DIAPH1: variants seen among roughly 807,000 people sequenced by gnomAD.
DIAPH1 encodes the protein diaphanous related formin 1, also known as protein diaphanous homolog 1.
DIAPH1 carries 46 observed loss-of-function variants against 140.7 expected under a neutral mutation model. The observed-to-expected ratio is 0.33, with a 90% confidence interval of 0.26 to 0.42. DIAPH1 has a LOEUF of 0.42. DIAPH1 is among the 10% of genes least tolerant of loss of function. The pLI is 1.00. For missense variants in DIAPH1, 1,310 were observed against 1,558.7 expected (o/e 0.84, Z 2.69); for synonymous variants, 565 against 551.6 (o/e 1.02, Z -0.34).
At chr5:141,577,357 C>G in intron 12 of DIAPH1, 118 bp downstream of exon 12, 1 of 810,292 alleles carries the variant, frequency 1.2e-6, no homozygotes, top group Non-Finnish European at 2.2e-6. Flanking sequence ...ACTAATGAAC[C>G]CTAATCTTGG....
chr5:141,526,357 G>A lies in DIAPH1; in HGVS notation c.3378C>T (p.Pro1126=), dbSNP rs977061013. The A allele has an allele frequency of 1.9e-6, 3 of 1,614,044 alleles. No homozygotes were observed. Among genetic ancestry groups the A allele is most frequent in the African/African-American group, 2.7e-5 (2 of 74,910 alleles). Residue 1126 remains proline (P), a synonymous_variant, in exon 25 of 28, where the codon CCC becomes CCT. Coordinates refer to ENST00000389054, the MANE Select transcript of DIAPH1 (RefSeq NM_005219.5). The stretch of plus-strand genomic sequence containing the variant: ...AAAATTCTTCAACAGACAACTTCTT[G>A]GGGTCAAAGAGGAAGTACTCGCCCA... The part of the protein sequence containing the change: ...KELGEYFLFD[P]KKLSVEEFFM...
chr5:141,551,396 C>T (rs1290855246), intron 18 of DIAPH1, among the ~76,000 whole-genome samples: 1 of 152,096 alleles, frequency 6.6e-6, no homozygotes, highest in Non-Finnish European at 1.5e-5. Context: ...TTCAAGGTTA[C>T]AGTGTCACCA....
At chr5:141,592,626 C>T (rs1340282212) in intron 1 of DIAPH1, among the ~76,000 whole-genome samples, 1 of 152,178 alleles carries the variant, frequency 6.6e-6, no homozygotes, top group Non-Finnish European at 1.5e-5. Flanking sequence ...ATCCTACCTA[C>T]ATCTAAATGC....
intron 18 of DIAPH1, among the ~76,000 whole-genome samples, chr5:141,541,504 A>G (rs973358250): frequency 2.6e-5 from 4 of 152,074 alleles, no homozygotes; most frequent in Non-Finnish European, 4.4e-5. Flanking sequence ...CCTGGCCAAC[A>G]TGGTGAAAGC....
chr5:141,560,360 C>G lies in DIAPH1; in HGVS notation c.2482+11068G>C, dbSNP rs541513479. Among the ~76,000 whole-genome samples, 177 of 152,280 alleles carry G rather than the reference C, an allele frequency of 1.2e-3. 2 individuals carry two copies. The highest frequency in any genetic ancestry group is 3.4e-3 in the Middle Eastern group (1 of 294). On this transcript the variant is annotated intron_variant, in intron 18 of 27. Coordinates refer to ENST00000389054, the MANE Select transcript of DIAPH1 (RefSeq NM_005219.5). ...TCTCTCAACATGCCTGCATTCTTGCCACTCCCTTTCACTAAGTGCTGGATT... is the reference window on the plus strand; with the variant it reads ...TCTCTCAACATGCCTGCATTCTTGCGACTCCCTTTCACTAAGTGCTGGATT...
chr5:141,592,261 A>C (rs145770285), intron 1 of DIAPH1, among the ~76,000 whole-genome samples: 2 of 152,178 alleles, frequency 1.3e-5, no homozygotes, highest in Non-Finnish European at 2.9e-5. Flanking sequence ...GTACAAGCAA[A>C]ACGGTTTTAG....
intron 18 of DIAPH1, among the ~76,000 whole-genome samples, chr5:141,567,801 T>A (rs972812025): frequency 5.9e-5 from 9 of 152,188 alleles, no homozygotes; most frequent in Non-Finnish European, 1.3e-4. Flanking sequence ...GAAAATTATG[T>A]CAGGGCAGCA....
chr5:141,539,001 G>A (rs1213116524), intron 18 of DIAPH1, among the ~76,000 whole-genome samples: 1 of 151,506 alleles, frequency 6.6e-6, no homozygotes, highest in Non-Finnish European at 1.5e-5. Flanking sequence ...TGAGCCAGGC[G>A]TGGTGGCTCA....
At chr5:141,564,286 G>A (rs1269693100) in intron 18 of DIAPH1, 1 of 152,204 alleles carries the variant, frequency 6.6e-6, no homozygotes, top group Non-Finnish European at 1.5e-5. Context: ...GTAGAGGGCA[G>A]TATACTAATC....
At chr5:141,529,025 G>A in intron 21 of DIAPH1, 84 bp from the exon 22 acceptor site, 1 of 1,600,810 alleles carries the variant, frequency 6.2e-7, no homozygotes, top group Non-Finnish European at 8.6e-7. Flanking sequence ...CCTATGGGAG[G>A]ATCACAGCTC....
chr5:141,517,088 G>C, intron 27 of DIAPH1, 80 bp from the exon 28 acceptor site: 2 of 1,551,568 alleles, frequency 1.3e-6, no homozygotes, highest in Admixed American at 3.6e-5. Flanking sequence ...GATAATCAGC[G>C]TAAGCCATGC....
At chr5:141,586,492 C>T (rs2099897572) in intron 3 of DIAPH1, among the ~76,000 whole-genome samples, 1 of 152,202 alleles carries the variant, frequency 6.6e-6, no homozygotes, top group Non-Finnish European at 1.5e-5. Flanking sequence ...TGAATATCCT[C>T]CTTATTCGGT....
chr5:141,562,260 G>A (rs1161871151), intron 18 of DIAPH1, among the ~76,000 whole-genome samples: 2 of 150,262 alleles, frequency 1.3e-5, no homozygotes, highest in Non-Finnish European at 3.0e-5. Flanking sequence ...CTCTACTTTT[G>A]TTTTATCCTT....
intron 18 of DIAPH1, among the ~76,000 whole-genome samples, chr5:141,568,023 CTTACT>C (rs2099894638): frequency 6.6e-6 from 1 of 152,328 alleles, no homozygotes; most frequent in Middle Eastern, 3.4e-3. Flanking sequence ...TAACACACCT[CTTACT>C]TTAACAAGTC....
At chr5:141,603,275 C>T (rs1044915040) in intron 1 of DIAPH1, among the ~76,000 whole-genome samples, 4 of 152,180 alleles carry the variant, frequency 2.6e-5, no homozygotes, top group South Asian at 2.1e-4. Flanking sequence ...GAGAGTTAAA[C>T]TCATTAGTTC....
At chr5:141,535,268 C>G (rs2099888838) in intron 18 of DIAPH1, among the ~76,000 whole-genome samples, 1 of 152,058 alleles carries the variant, frequency 6.6e-6, no homozygotes, top group African/African-American at 2.4e-5. Context: ...CCATCTTGAA[C>G]ATGACTTTCT....
chr5:141,523,952 G>C (rs961394167), intron 27 of DIAPH1, among the ~76,000 whole-genome samples, 191 bp downstream of exon 27: 5 of 151,912 alleles, frequency 3.3e-5, no homozygotes, highest in Non-Finnish European at 7.4e-5. Context: ...TTTATTGCCA[G>C]TCCCTTAAAC....
intron 12 of DIAPH1, 37 bp from the exon 13 acceptor site, chr5:141,576,908 T>C: frequency 7.9e-7 from 1 of 1,267,350 alleles, no homozygotes; most frequent in Non-Finnish European, 1.2e-6. Context: ...CAAAGGAAAA[T>C]CAAAATATAA....
At chr5:141,596,961 G>C (rs1479585) in intron 1 of DIAPH1, among the ~76,000 whole-genome samples, 102,179 of 152,052 alleles carry the variant, frequency 0.67, 35,464 homozygotes, top group African/African-American at 0.85. Context: ...GGAAAAAGAG[G>C]TCATTAGAAG....
Sources: gnomAD v4.1 joint callset for allele counts (sites outside exome capture counted in the v4.1 genomes callset) on GRCh38, gnomAD v4.1.1 for gene constraint, MANE v1.5 for transcripts, NCBI Gene and HGNC (gene_info 2026-07-23, HGNC 2026-07-21) for gene names.